PLD4: variants seen among roughly 807,000 people sequenced by gnomAD.
PLD4 encodes the protein 5'-3' exonuclease PLD4.
In PLD4, 54 loss-of-function variants were observed where a neutral mutation model predicts 52.3. The ratio of observed to expected loss-of-function variants is 1.03; its 90% CI spans 0.83 to 1.30. The LOEUF (loss-of-function observed/expected upper bound fraction) is 1.30, where lower values mean the gene tolerates loss of function less well. Among genes scored for constraint, PLD4 ranks in the 50% most tolerant of loss-of-function variants. PLD4 has a pLI of 0.00. For synonymous variants in PLD4, 264 were observed against 286.5 expected, an observed-to-expected ratio of 0.92 and a Z score of 0.79; for missense variants, 731 against 671.1, an observed-to-expected ratio of 1.09 and a Z score of -0.99.
In PLD4 at chr14:104,931,748, GC is replaced by G. The variant is rs752954758; in HGVS notation, c.920del (p.Ala307GlyfsTer21). 63 of 1,585,278 alleles carry G rather than the reference GC, an allele frequency of 4.0e-5. No individual in the cohort carries two copies. The South Asian group carries it at 6.3e-4, about 16-fold the overall frequency. Reference protein sequence around the residue: ...DGVPTTAYFSASPPALCPQGR... With the variant: ...DGVPTTAYFSXSPPALCPQGR... ...TTCAGGGATTTCTCTCCCGTCACAGGCGTCGCCACCAGCACTCTGTCCCCAG... is the reference window on the plus strand; with the variant it reads ...TTCAGGGATTTCTCTCCCGTCACAGGGTCGCCACCAGCACTCTGTCCCCAG... On this transcript the variant is annotated frameshift_variant and splice_region_variant, in exon 8 of 11. Transcript: ENST00000392593. LOFTEE classifies it high-confidence loss of function.
Position 104,929,342 on chromosome 14 carries a change from G to T in PLD4, c.504G>T (p.Leu168=). The T allele has an allele frequency of 6.3e-7, 1 of 1,575,700 alleles. No individual in the cohort carries two copies. The change falls in exon 5 of 11, where the codon CTG becomes CTT. Residue 168 remains leucine, a synonymous_variant. Transcript: ENST00000392593. ...TTCTGCAGAAGCTGCAGCAGCTGCT[G>T]GGCAGGAACATTTCCCTGGCTGTGG... ...EALLQKLQQL[L]GRNISLAVAT...
At position 104,929,573 on chromosome 14, in the gene PLD4, C is replaced by G. The variant is rs1897574661; in HGVS notation, c.589+146C>G. ...CACCCCAGGAGGGCAGGACCCAGGG[C>G]TCTGAGGTCCTTTGAGTCAGCTTCA... On this transcript the variant is annotated intron_variant, in intron 5 of 10. Transcript: ENST00000392593. 2.4e-6 allele frequency: 3 copies of G among 1,259,466 alleles called. No homozygotes were observed. The South Asian group carries it at 4.8e-5, about 20-fold the overall frequency. 78.0% of individuals were successfully genotyped at this position (1,259,466 alleles called of 1,614,324 possible).
rs781599944 is a variant in PLD4, at chr14:104,930,091, C to T, written c.703C>T (p.Arg235Trp). Residue 235 changes from arginine (R) to tryptophan (W), a missense_variant, in exon 6 of 11, where the codon CGG becomes TGG. Transcript: ENST00000392593. ...CATGGGCAGTGCCAACATGGACTGG[C>T]GGTCTCTGACGCAGGTGAGTGCCAG... ...IYMGSANMDWRSLTQVKELGA... is the reference protein window; with the variant it reads ...IYMGSANMDWWSLTQVKELGA... 1.9e-5 allele frequency: 30 copies of T among 1,613,226 alleles called. No homozygotes were observed. The highest frequency in any genetic ancestry group is 1.6e-4 in the Middle Eastern group (1 of 6,080).
At chr14:104,928,215 T>C (rs1459350717) in intron 3 of PLD4, among the ~76,000 whole-genome samples, 4 of 151,978 alleles carry the variant, frequency 2.6e-5, no homozygotes, top group South Asian at 2.1e-4. Flanking sequence ...TTCCCTGCGG[T>C]TGGGGTCCTG....
chr14:104,927,286 C>A, intron 2 of PLD4, 56 bp downstream of exon 2: 1 of 1,404,208 alleles, frequency 7.1e-7, no homozygotes, highest in Non-Finnish European at 9.6e-7. Context: ...CTTTCAAGAG[C>A]TCCGAGCCAG....
In PLD4 at chr14:104,932,854, G is replaced by A. The variant is rs1410230200; in HGVS notation, c.1411G>A (p.Ala471Thr). Residue 471 changes from alanine to threonine, a missense_variant, in exon 11 of 11, where the codon GCC becomes ACC. Transcript: ENST00000392593. The surrounding 1 kb of genome is among the most constrained non-coding windows in gnomAD (Gnocchi z 6.5). ...TQSPGAQPAG[A>T]TVQEQLRQLF... is the part of the protein sequence containing the mutation. ...GAGCCCTGGCGCGCAGCCCGCGGGG[G>A]CCACGGTGCAGGAGCAGCTGCGGCA... 2 of 1,604,926 alleles carry A rather than the reference G, an allele frequency of 1.2e-6. No individual in the cohort carries two copies. The highest frequency in any genetic ancestry group is 1.1e-5 in the South Asian group (1 of 89,608).
intron 6 of PLD4, chr14:104,930,484 G>C (rs1295343112): frequency 1.7e-6 from 1 of 584,198 alleles, no homozygotes; most frequent in Non-Finnish European, 3.0e-6. Flanking sequence ...TTAATGGCTT[G>C]ATGCATTTTC....
downstream of PLD4, chr14:104,933,514 C>G (rs1469708354): frequency 6.6e-6 from 1 of 150,770 alleles, no homozygotes; most frequent in African/African-American, 2.4e-5. Context: ...GGCGCGGAGC[C>G]CACGCCCGGG....
In PLD4 at chr14:104,930,048, G is replaced by C; in HGVS notation, c.660G>C (p.Val220=). The change falls in exon 6 of 11, where the codon GTG becomes GTC. Residue 220 remains valine, a synonymous_variant. Transcript: ENST00000392593. ...RGVLHSKFWV[V]DGRHIYMGSA... Reference sequence around the variant, plus strand: ...TTTTGCACTCCAAATTCTGGGTTGTGGATGGACGGCACATATACATGGGCA... The same window carrying C: ...TTTTGCACTCCAAATTCTGGGTTGTCGATGGACGGCACATATACATGGGCA... 6.2e-7 allele frequency: 1 copy of C among 1,613,644 alleles called. No individual in the cohort carries two copies. The highest frequency in any genetic ancestry group is 8.5e-7 in the Non-Finnish European group (1 of 1,179,968).
downstream of PLD4, chr14:104,933,533 G>T (rs375150568): frequency 6.7e-6 from 1 of 149,764 alleles, no homozygotes; most frequent in African/African-American, 2.5e-5. Flanking sequence ...GGACTCCAGC[G>T]GAGGAAACGC....
At chr14:104,926,221 C>G (rs1897451023) in intron 1 of PLD4, among the ~76,000 whole-genome samples, 1 of 152,202 alleles carries the variant, frequency 6.6e-6, no homozygotes, top group Non-Finnish European at 1.5e-5. Flanking sequence ...AGGGGCCAGC[C>G]AGCTCCTGCC....
In PLD4 at chr14:104,932,626, T is replaced by C. The variant is rs1407953653; in HGVS notation, c.1322-139T>C. ...TCCCTCCCGCACCTAAGCGAGGGGC[T>C]TCCCCGGCTGGAGTCTGATGACAGT... On this transcript the variant is annotated intron_variant, in intron 10 of 10. Transcript: ENST00000392593. This position sits in a 1 kb window ranked among gnomAD's most constrained non-coding sequence, Gnocchi z 6.5. The C allele has an allele frequency of 2.1e-6, 2 of 950,984 alleles. No individual in the cohort carries two copies. The highest frequency in any genetic ancestry group is 3.1e-6 in the Non-Finnish European group (2 of 646,918). The allele number at this position is 950,984 out of a possible 1,614,324, so 58.9% of individuals were successfully genotyped here.
chr14:104,936,214 T>C (rs1373911773), downstream of PLD4: 3 of 152,126 alleles, frequency 2.0e-5, no homozygotes, highest in Admixed American at 1.3e-4. Flanking sequence ...AAAAGCCCCA[T>C]GGAGCCAAGC....
At chr14:104,933,457 G>C (rs1269832287), downstream of PLD4, 1 of 152,784 alleles carries the variant, frequency 6.5e-6, no homozygotes, top group Non-Finnish European at 1.5e-5. Flanking sequence ...GGGCTGCCGC[G>C]CTCCGGAACC....
intron 3 of PLD4, among the ~76,000 whole-genome samples, chr14:104,928,375 C>G (rs1427575190): frequency 6.6e-6 from 1 of 152,204 alleles, no homozygotes; most frequent in Non-Finnish European, 1.5e-5. Flanking sequence ...CCACCCCAGA[C>G]CCCAGACTCC....
intron 7 of PLD4, 23 bp from the exon 8 acceptor site, chr14:104,931,725 C>A: frequency 6.4e-7 from 1 of 1,573,250 alleles, no homozygotes; most frequent in Non-Finnish European, 8.6e-7. Context: ...GCAGAGCCTT[C>A]AGGGATTTCT....
At chr14:104,925,159 A>C in intron 1 of PLD4, among the ~76,000 whole-genome samples, 169 bp downstream of exon 1, 1 of 152,242 alleles carries the variant, frequency 6.6e-6, no homozygotes, top group South Asian at 2.1e-4. Flanking sequence ...TGCAGCTGGG[A>C]TAAGCTGGGC....
chr14:104,937,041 T>C (rs1307284165), downstream of PLD4: 2 of 152,240 alleles, frequency 1.3e-5, no homozygotes, highest in Non-Finnish European at 2.9e-5. Flanking sequence ...TCTGTGTCCC[T>C]GCCACACTGT....
chr14:104,925,405 G>A (rs1239186574), intron 1 of PLD4, among the ~76,000 whole-genome samples: 1 of 152,208 alleles, frequency 6.6e-6, no homozygotes, highest in Admixed American at 6.5e-5. Flanking sequence ...GGAGGAGGTG[G>A]TGAGGCGCTC....
Sources: gnomAD v4.1 joint callset for allele counts (sites outside exome capture counted in the v4.1 genomes callset) on GRCh38, gnomAD v4.1.1 for gene constraint, Gnocchi (gnomAD v3.1) non-coding constraint, MANE v1.5 for transcripts, NCBI Gene and HGNC (gene_info 2026-07-23, HGNC 2026-07-21) for gene names.